The following SORBS3 variants were observed in gnomAD, a reference collection of about 807,000 sequenced individuals.
SORBS3 encodes the protein vinexin.
A neutral mutation model predicts 98.0 loss-of-function variants in SORBS3; 69 were observed. The observed-to-expected ratio is 0.70, with a 90% CI of 0.58 to 0.86. The LOEUF (loss-of-function observed/expected upper bound fraction) is 0.86. Among genes scored for constraint, SORBS3 ranks in the 40% least tolerant of loss-of-function variants. The pLI, the probability that SORBS3 is intolerant of heterozygous loss-of-function variation, is 0.00. For synonymous variants in SORBS3, 394 were observed against 355.4 expected, an observed-to-expected ratio of 1.11 and a Z score of -1.22; for missense variants, 954 against 908.5, an observed-to-expected ratio of 1.05 and a Z score of -0.64.
chr8:22,564,095 G>C lies in SORBS3; in HGVS notation c.675+18G>C. ...CAAATCAGGTAGCCCACCCAGCATAGTCCCTGGTCAGCCCCAGCTGTATGC... is the reference window on the plus strand; with the variant it reads ...CAAATCAGGTAGCCCACCCAGCATACTCCCTGGTCAGCCCCAGCTGTATGC... On this transcript the variant is annotated intron_variant, in intron 8 of 20. Coordinates refer to ENST00000240123, the MANE Select transcript of SORBS3 (RefSeq NM_005775.5). 1 of 1,610,254 alleles carries C rather than the reference G, an allele frequency of 6.2e-7. No homozygotes were observed. The highest frequency in any genetic ancestry group is 8.5e-7 in the Non-Finnish European group (1 of 1,177,306).
chr8:22,569,629 C>A (rs1263887808), intron 17 of SORBS3, among the ~76,000 whole-genome samples: 1 of 152,200 alleles, frequency 6.6e-6, no homozygotes, highest in African/African-American at 2.4e-5. Context: ...TGAGCCACCG[C>A]GCCTGGCCTA....
intron 17 of SORBS3, among the ~76,000 whole-genome samples, chr8:22,570,643 A>G (rs1453704411): frequency 6.6e-6 from 1 of 151,938 alleles, no homozygotes; most frequent in Non-Finnish European, 1.5e-5. Context: ...CTGGGGAGGG[A>G]CCTTGCTATG....
chr8:22,556,573 C>T (rs567997657), intron 3 of SORBS3, 142 bp from the exon 4 acceptor site: 3 of 699,034 alleles, frequency 4.3e-6, no homozygotes, highest in East Asian at 2.7e-5. Context: ...GCCCGTGGTG[C>T]TCTGAGTCAT....
intron 16 of SORBS3, among the ~76,000 whole-genome samples, chr8:22,567,909 G>C (rs1020245323): frequency 6.6e-6 from 1 of 150,792 alleles, no homozygotes; most frequent in Non-Finnish European, 1.5e-5. Flanking sequence ...GTGCAGTGGC[G>C]GGATCTTGGT....
intron 11 of SORBS3, 115 bp downstream of exon 11, chr8:22,565,469 A>G (rs1227352933): frequency 1.2e-6 from 1 of 820,788 alleles, no homozygotes; most frequent in Non-Finnish European, 1.7e-6. Context: ...TCCGGCCTCC[A>G]GCGGCGCGCA....
chr8:22,557,988 C>A lies in SORBS3; in HGVS notation c.415-141C>A, dbSNP rs1409170470. ...ATGAAGCTATTGTTATTAAAGAGAT[C>A]GCAAGAGAAGCATTTCCCAGCCCAC... On this transcript the variant is annotated intron_variant, in intron 4 of 20. Transcript: ENST00000240123. The A allele has an allele frequency of 3.7e-5, 28 of 761,118 alleles. 1 individual carries two copies. The South Asian group carries it at 3.9e-4, about 11-fold the overall frequency. The allele number at this position is 761,118 out of a possible 1,614,324, so 47.1% of individuals were successfully genotyped here.
At position 22,574,729 on chromosome 8, in the gene SORBS3, G is replaced by A. The variant is rs1464285138; in HGVS notation, c.*1G>A. On this transcript the variant is annotated 3_prime_UTR_variant, in exon 21 of 21. Transcript: ENST00000240123. ...TGGAAATTACGTTGCCCCGGTGTGA[G>A]TGGTCTCCATGGCAACTTGGAGCCA... 1.2e-6 allele frequency: 2 copies of A among 1,611,344 alleles called. No individual in the cohort carries two copies. Among genetic ancestry groups the A allele is most frequent in the Admixed American group, 3.3e-5 (2 of 59,814 alleles).
intron 4 of SORBS3, among the ~76,000 whole-genome samples, chr8:22,557,478 G>C (rs1391613934): frequency 6.6e-6 from 1 of 152,102 alleles, no homozygotes; most frequent in Non-Finnish European, 1.5e-5. Context: ...TGAAGCAGGT[G>C]ATGTGAAACA....
intron 20 of SORBS3, 62 bp from the exon 21 acceptor site, chr8:22,574,605 C>T (rs914788618): frequency 1.3e-6 from 2 of 1,515,892 alleles, no homozygotes; most frequent in Middle Eastern, 1.7e-4. Context: ...GGCAGGCCCT[C>T]ACCCCTGCAT....
In SORBS3 at chr8:22,566,501, G is replaced by C. The variant is rs1052850227; in HGVS notation, c.1090+17G>C. 2 of 1,610,522 alleles carry C rather than the reference G, an allele frequency of 1.2e-6. No individual in the cohort carries two copies. The highest frequency in any genetic ancestry group is 2.7e-5 in the African/African-American group (2 of 74,846). On this transcript the variant is annotated intron_variant, in intron 13 of 20. Transcript: ENST00000240123. ...CAACCCGAGGTAAGGACCCAGCCCTGCTCTCTTTCTCACGGAGATGCCCAC... is the reference window on the plus strand; with the variant it reads ...CAACCCGAGGTAAGGACCCAGCCCTCCTCTCTTTCTCACGGAGATGCCCAC...
upstream of SORBS3, among the ~76,000 whole-genome samples, chr8:22,550,994 CA>C (rs1323174145): frequency 1.3e-5 from 2 of 152,176 alleles, no homozygotes; most frequent in Non-Finnish European, 2.9e-5. Flanking sequence ...AGGGGATGAC[CA>C]GAATGGATGG....
At position 22,571,122 on chromosome 8, in the gene SORBS3, C is replaced by T; in HGVS notation, c.1644C>T (p.Ala548=). 1 of 1,606,722 alleles carries T rather than the reference C, an allele frequency of 6.2e-7. No individual in the cohort carries two copies. The highest frequency in any genetic ancestry group is 8.5e-7 in the Non-Finnish European group (1 of 1,178,126). ...RSARHPSSPS[A]LRSPADPIDL... The stretch of plus-strand genomic sequence containing the variant: ...CCCGTCACCCCAGCTCCCCCTCAGC[C>T]CTGCGCAGCCCAGCTGACCCCATCG... The change falls in exon 18 of 21, where the codon GCC becomes GCT. Residue 548 remains alanine (A), a synonymous_variant. Transcript: ENST00000240123.
At chr8:22,555,805 C>G (rs186511906) in intron 3 of SORBS3, among the ~76,000 whole-genome samples, 7 of 152,162 alleles carry the variant, frequency 4.6e-5, no homozygotes, top group African/African-American at 1.7e-4. Flanking sequence ...GAGCTGAGAT[C>G]GTGCCACTGC....
At chr8:22,557,191 A>G (rs549029527) in intron 4 of SORBS3, among the ~76,000 whole-genome samples, 1 of 151,992 alleles carries the variant, frequency 6.6e-6, no homozygotes, top group South Asian at 2.1e-4. Context: ...CTGAGGCTGC[A>G]GGGGACCCTC....
intron 13 of SORBS3, 50 bp downstream of exon 13, chr8:22,566,534 G>A: frequency 1.9e-6 from 3 of 1,598,808 alleles, no homozygotes; most frequent in Middle Eastern, 1.7e-4. Flanking sequence ...CACCCACCAG[G>A]CATGTTGGTG....
chr8:22,545,781 T>G (rs1048127111), intron 1 of SORBS3, among the ~76,000 whole-genome samples: 2 of 152,258 alleles, frequency 1.3e-5, no homozygotes, highest in African/African-American at 4.8e-5. Context: ...CCAAATACTC[T>G]TAACATGAAA....
chr8:22,569,352 T>C (rs1391944602), intron 17 of SORBS3, 79 bp downstream of exon 17: 100 of 1,286,014 alleles, frequency 7.8e-5, no homozygotes, highest in South Asian at 1.6e-5. Context: ...AACAGTTTTT[T>C]TTTTTTGAGA....
At chr8:22,561,160 C>T (rs17060918) in intron 5 of SORBS3, 175 bp from the exon 6 acceptor site, 10,369 of 590,442 alleles carry the variant, frequency 0.018, 353 homozygotes, top group African/African-American at 0.11. Context: ...GCATTTCAAG[C>T]CCTCCAGAGA....
chr8:22,550,029 G>A, upstream of SORBS3: 1 of 985,320 alleles, frequency 1.0e-6, no homozygotes, highest in Non-Finnish European at 1.2e-6. Flanking sequence ...AAAGCGATGT[G>A]GTCCTTCTTA....
Sources: gnomAD v4.1 joint callset for allele counts (sites outside exome capture counted in the v4.1 genomes callset) on GRCh38, gnomAD v4.1.1 for gene constraint, MANE v1.5 for transcripts, NCBI Gene and HGNC (gene_info 2026-07-23, HGNC 2026-07-21) for gene names.